Variants in GSG1L2 observed in about 807,000 individuals in gnomAD.
GSG1L2 encodes the protein GSG1 like 2.
GSG1L2 carries 15 observed loss-of-function variants against 9.0 expected under a neutral mutation model. That is an observed-to-expected ratio of 1.67 (90% CI 1.12 to 2.57). The LOEUF (loss-of-function observed/expected upper bound fraction) is 2.57, where lower values mean the gene tolerates loss of function less well. Among genes scored for constraint, GSG1L2 ranks in the 30% most tolerant of loss-of-function variants. The pLI is 0.00. For missense variants in GSG1L2, 286 were observed against 150.3 expected (o/e 1.90, Z -4.72); for synonymous variants, 127 against 57.9 (o/e 2.19, Z -5.41).
chr17:9,802,877 G>GT (rs1189039810), intron 4 of GSG1L2, among the ~76,000 whole-genome samples: 1 of 152,098 alleles, frequency 6.6e-6, no homozygotes, highest in Non-Finnish European at 1.5e-5. Context: ...GCCCCACCTT[G>GT]TATTAACCAT....
intron 1 of GSG1L2, among the ~76,000 whole-genome samples, chr17:9,815,125 C>T (rs954345575): frequency 1.3e-5 from 2 of 152,170 alleles, no homozygotes; most frequent in African/African-American, 2.4e-5. Flanking sequence ...CGGTGGCTCA[C>T]GCCTGTAATC....
chr17:9,810,600 A>G lies in GSG1L2; in HGVS notation c.329T>C (p.Phe110Ser). ...TTCTTCAGCTGGCACTACACTCCGG[A>G]AACTCCTACACTTTTCATCTGAAAG... ...LNGEDEKCRS[F>S]RSVVPAEEQG... The change falls in exon 2 of 5, where the codon TTC becomes TCC. Residue 110 changes from phenylalanine (F) to serine (S), a missense_variant. Coordinates refer to ENST00000399363, the MANE Select transcript of GSG1L2 (RefSeq NM_001310219.2). 1 of 703,058 alleles carries G rather than the reference A, an allele frequency of 1.4e-6. No individual in the cohort carries two copies. Among genetic ancestry groups the G allele is most frequent in the South Asian group, 1.5e-5 (1 of 67,602 alleles). The allele number at this position is 703,058 out of a possible 1,614,324, so 43.6% of individuals were successfully genotyped here. A position where few individuals can be genotyped will look rare whatever the true frequency, so the allele number is the denominator to read the frequency against.
At position 9,817,436 on chromosome 17, in the gene GSG1L2, T is replaced by G. The variant is rs1345746009; in HGVS notation, c.310+4326A>C. Among the ~76,000 whole-genome samples the G allele has an allele frequency of 5.9e-5, 9 of 151,914 alleles. No individual in the cohort carries two copies. The East Asian group carries it at 1.7e-3, about 29-fold the overall frequency. ...GTTCTCTCCAACGAGGCTTTTTTTT[T>G]TTTTTTTCCTCGAAGTCTCACTCTG... On this transcript the variant is annotated intron_variant, in intron 1 of 4. Coordinates refer to ENST00000399363, the MANE Select transcript of GSG1L2 (RefSeq NM_001310219.2).
intron 4 of GSG1L2, among the ~76,000 whole-genome samples, chr17:9,806,446 C>G (rs1342765112): frequency 1.3e-5 from 2 of 152,268 alleles, no homozygotes; most frequent in South Asian, 4.1e-4. Flanking sequence ...ACGCTTAGTA[C>G]TATTTGATTT....
At position 9,808,843 on chromosome 17, in the gene GSG1L2, G is replaced by A. The variant is rs2066526350; in HGVS notation, c.498C>T (p.Phe166=). ...GTTGGAAAGTACCTGCCAGCACCAT[G>A]AAGATGGCTACCAAGGCATCCACCC... ...WLRVDALVAI[F]MVLAGLLGMV... Residue 166 remains phenylalanine, a synonymous_variant, in exon 3 of 5, where the codon TTC becomes TTT. Coordinates refer to ENST00000399363, the MANE Select transcript of GSG1L2 (RefSeq NM_001310219.2). The A allele has an allele frequency of 2.8e-6, 2 of 702,786 alleles. No individual in the cohort carries two copies. The highest frequency in any genetic ancestry group is 5.2e-6 in the Non-Finnish European group (2 of 384,986). 43.5% of individuals were successfully genotyped at this position (702,786 alleles called of 1,614,324 possible). A position where few individuals can be genotyped will look rare whatever the true frequency, so the allele number is the denominator to read the frequency against.
At chr17:9,802,772 T>C in intron 4 of GSG1L2, 128 bp from the exon 5 acceptor site, 1 of 611,750 alleles carries the variant, frequency 1.6e-6, no homozygotes, top group East Asian at 2.7e-5. Flanking sequence ...GGACCTGCAT[T>C]TTGGATCACA....
At chr17:9,807,111 T>C (rs1255909025) in intron 4 of GSG1L2, among the ~76,000 whole-genome samples, 1 of 152,194 alleles carries the variant, frequency 6.6e-6, no homozygotes, top group Non-Finnish European at 1.5e-5. Flanking sequence ...GTCGTGACCT[T>C]GTCTTTGCAT....
chr17:9,810,660 C>A lies in GSG1L2; in HGVS notation c.311-42G>T, dbSNP rs559905084. ...ATGCATCCAGAAGTGGGTTACACTT[C>A]ACAACCAGGGGGCAAATGGTGAATT... On this transcript the variant is annotated intron_variant, in intron 1 of 4. Coordinates refer to ENST00000399363, the MANE Select transcript of GSG1L2 (RefSeq NM_001310219.2). The A allele has an allele frequency of 1.1e-5, 8 of 702,740 alleles. No homozygotes were observed. In the East Asian group the frequency reaches 2.1e-4, roughly 19 times the overall value. The allele number at this position is 702,740 out of a possible 1,614,324, so 43.5% of individuals were successfully genotyped here. A position where few individuals can be genotyped will look rare whatever the true frequency, so the allele number is the denominator to read the frequency against.
intron 1 of GSG1L2, among the ~76,000 whole-genome samples, chr17:9,812,901 C>T (rs532277153): frequency 2.5e-4 from 38 of 152,302 alleles, no homozygotes; most frequent in African/African-American, 8.7e-4. Flanking sequence ...CCATACCTGG[C>T]CAGCAGACAG....
In GSG1L2 at chr17:9,802,412, C is replaced by T. The variant is rs1369819797; in HGVS notation, c.856G>A (p.Ala286Thr). 11 of 677,672 alleles carry T rather than the reference C, an allele frequency of 1.6e-5. No homozygotes were observed. Among genetic ancestry groups the T allele is most frequent in the East Asian group, 1.1e-4 (4 of 37,044 alleles). 42.0% of individuals were successfully genotyped at this position (677,672 alleles called of 1,614,324 possible). Residue 286 changes from alanine (A) to threonine (T), a missense_variant, in exon 5 of 5, where the codon GCC becomes ACC. Coordinates refer to ENST00000399363, the MANE Select transcript of GSG1L2 (RefSeq NM_001310219.2). ...TAGCATATGGACACCTTGCCTGGGG[C>T]GCCTGGTGGGAGGTGTCCAGAAACA... is the stretch of plus-strand genomic sequence containing the variant. ...RNVSGHLPPG[A>T]PGKVSIC
chr17:9,817,586 G>A (rs1368135978), intron 1 of GSG1L2, among the ~76,000 whole-genome samples: 4 of 151,860 alleles, frequency 2.6e-5, no homozygotes, highest in East Asian at 3.9e-4. Flanking sequence ...CACCACACCC[G>A]GCTAATTTTT....
In GSG1L2 at chr17:9,808,959, C is replaced by T. The variant is rs747945169; in HGVS notation, c.382G>A (p.Gly128Ser). ...ATCAGAACGATATCCAGGACCTCGC[C>T]CCCGATGGACAGCCACAAAACACCT... Reference protein sequence around the residue: ...EQGVLWLSIGGEVLDIVLILT... With the variant: ...EQGVLWLSIGSEVLDIVLILT... Residue 128 changes from glycine (G) to serine (S), a missense_variant, in exon 3 of 5, where the codon GGC (glycine) becomes AGC (serine). Transcript: ENST00000399363. 4 of 702,898 alleles carry T rather than the reference C, an allele frequency of 5.7e-6. No homozygotes were observed. The highest frequency in any genetic ancestry group is 3.0e-5 in the South Asian group (2 of 67,602). 43.5% of individuals were successfully genotyped at this position (702,898 alleles called of 1,614,324 possible). A position where few individuals can be genotyped will look rare whatever the true frequency, so the allele number is the denominator to read the frequency against.
chr17:9,819,106 T>A (rs2066579262), intron 1 of GSG1L2, among the ~76,000 whole-genome samples: 1 of 152,128 alleles, frequency 6.6e-6, no homozygotes, highest in African/African-American at 2.4e-5. Context: ...GGGGGGCTTA[T>A]TAGAAACATG....
Position 9,820,058 on chromosome 17 carries a change from C to G in GSG1L2, c.310+1704G>C, listed in dbSNP as rs560755841. On this transcript the variant is annotated intron_variant, in intron 1 of 4. Transcript: ENST00000399363. The surrounding 1 kb of genome is among the most constrained non-coding windows in gnomAD (Gnocchi z 4.9). ...TGAGCTGAGATTGCGCCGTTGCAATCCAGCCTGGGCAACGAGAGGGAAATT... is the reference window on the plus strand; with the variant it reads ...TGAGCTGAGATTGCGCCGTTGCAATGCAGCCTGGGCAACGAGAGGGAAATT... 1.3e-5 allele frequency among the ~76,000 whole-genome samples: 2 copies of G among 151,928 alleles called. No homozygotes were observed.
chr17:9,816,099 C>T (rs1400250603), intron 1 of GSG1L2, among the ~76,000 whole-genome samples: 1 of 152,170 alleles, frequency 6.6e-6, no homozygotes, highest in Non-Finnish European at 1.5e-5. Context: ...AGATGTGCTC[C>T]CTCGACCGTG....
chr17:9,815,784 G>A (rs2152024226), intron 1 of GSG1L2, among the ~76,000 whole-genome samples: 1 of 152,320 alleles, frequency 6.6e-6, no homozygotes, highest in African/African-American at 2.4e-5. Flanking sequence ...ATAGAAGTCA[G>A]ACAGAGGTTG....
chr17:9,812,112 A>G (rs2066541607), intron 1 of GSG1L2, among the ~76,000 whole-genome samples: 1 of 152,202 alleles, frequency 6.6e-6, no homozygotes. Flanking sequence ...GACTATAATG[A>G]GTTCTATTAG....
chr17:9,814,888 A>G (rs1176720604), intron 1 of GSG1L2, among the ~76,000 whole-genome samples: 1 of 152,208 alleles, frequency 6.6e-6, no homozygotes, highest in Non-Finnish European at 1.5e-5. Context: ...GTTTAGCAGA[A>G]CAGCATAGAA....
At chr17:9,815,314 C>G (rs555114779) in intron 1 of GSG1L2, among the ~76,000 whole-genome samples, 2 of 152,260 alleles carry the variant, frequency 1.3e-5, no homozygotes, top group African/African-American at 4.8e-5. Flanking sequence ...CGCTTGAACC[C>G]CGGAGGCAGG....
Sources: gnomAD v4.1 joint callset for allele counts (sites outside exome capture counted in the v4.1 genomes callset) on GRCh38, gnomAD v4.1.1 for gene constraint, Gnocchi (gnomAD v3.1) non-coding constraint, MANE v1.5 for transcripts, NCBI Gene and HGNC (gene_info 2026-07-23, HGNC 2026-07-21) for gene names.